BRINP3: variants seen among roughly 807,000 people sequenced by gnomAD.
The protein encoded by BRINP3 is BMP/retinoic acid-inducible neural-specific protein 3.
Under a neutral mutation model 71.0 loss-of-function variants are expected in BRINP3, and 19 were observed. The observed-to-expected ratio is 0.27, with a 90% CI of 0.19 to 0.39. The LOEUF (loss-of-function observed/expected upper bound fraction) is 0.39, where lower values mean the gene tolerates loss of function less well. Among genes scored for constraint, BRINP3 ranks in the 10% least tolerant of loss-of-function variants. The probability of loss-of-function intolerance (pLI) is 1.00; values close to 1 mark genes in which losing one functional copy is unlikely to be tolerated. For synonymous variants in BRINP3, 380 were observed against 337.7 expected (o/e 1.13, Z -1.37); for missense variants, 959 against 940.8 (o/e 1.02, Z -0.25).
At chr1:190,298,897 G>C (rs1664456409) in intron 2 of BRINP3, among the ~76,000 whole-genome samples, 1 of 152,066 alleles carries the variant, frequency 6.6e-6, no homozygotes, top group Non-Finnish European at 1.5e-5. Context: ...TGACGACAGA[G>C]GTGTTGAAAT....
At chr1:190,415,119 G>A (rs1672929847) in intron 2 of BRINP3, among the ~76,000 whole-genome samples, 1 of 152,292 alleles carries the variant, frequency 6.6e-6, no homozygotes, top group African/African-American at 2.4e-5. Context: ...GTGATAAAGA[G>A]AACCCTGCCT....
chr1:190,153,416 G>T (rs923392882), intron 7 of BRINP3, among the ~76,000 whole-genome samples: 2 of 152,070 alleles, frequency 1.3e-5, no homozygotes, highest in African/African-American at 4.8e-5. Flanking sequence ...CACCTTTCAT[G>T]CACTGGGTAC....
chr1:190,344,511 C>A (rs1430118409), intron 2 of BRINP3, among the ~76,000 whole-genome samples: 2 of 151,786 alleles, frequency 1.3e-5, no homozygotes, highest in African/African-American at 4.8e-5. Context: ...ATTTTCAGTT[C>A]ACAATTTTCT....
intron 5 of BRINP3, among the ~76,000 whole-genome samples, chr1:190,232,574 G>A (rs891126162): frequency 1.1e-4 from 17 of 151,746 alleles, no homozygotes; most frequent in Admixed American, 6.6e-5. Context: ...AAGTGAAAGA[G>A]ATGGAGGTTT....
chr1:190,386,762 A>G (rs987350127), intron 2 of BRINP3, among the ~76,000 whole-genome samples: 1 of 152,012 alleles, frequency 6.6e-6, no homozygotes, highest in African/African-American at 2.4e-5. Flanking sequence ...TGAATAATAT[A>G]TAGTTCATGG....
chr1:190,202,491 A>C (rs1408499994), intron 6 of BRINP3, among the ~76,000 whole-genome samples: 1 of 152,092 alleles, frequency 6.6e-6, no homozygotes, highest in Non-Finnish European at 1.5e-5. Context: ...GGAAGGCATG[A>C]TTGGTTTTAA....
intron 2 of BRINP3, among the ~76,000 whole-genome samples, chr1:190,453,598 T>C (rs1169357334): frequency 6.6e-6 from 1 of 152,262 alleles, no homozygotes; most frequent in East Asian, 1.9e-4. Context: ...GAATAAGGGA[T>C]TTCTTATTTT....
At chr1:190,370,481 A>T (rs564738929) in intron 2 of BRINP3, among the ~76,000 whole-genome samples, 1 of 152,292 alleles carries the variant, frequency 6.6e-6, no homozygotes, top group South Asian at 2.1e-4. Context: ...GGAGGGGAGG[A>T]ATCTATCATC....
At chr1:190,180,923 A>G (rs1471420078) in intron 6 of BRINP3, among the ~76,000 whole-genome samples, 1 of 152,056 alleles carries the variant, frequency 6.6e-6, no homozygotes, top group African/African-American at 2.4e-5. Context: ...TTACATCAGT[A>G]AAGCACAATA....
chr1:190,290,637 T>A (rs773327620), intron 2 of BRINP3, among the ~76,000 whole-genome samples: 35 of 152,112 alleles, frequency 2.3e-4, no homozygotes, highest in African/African-American at 3.1e-4. Flanking sequence ...GAAATTGAAA[T>A]GATAATTTAA....
At chr1:190,194,124 G>A (rs1015336232) in intron 6 of BRINP3, among the ~76,000 whole-genome samples, 3 of 152,016 alleles carry the variant, frequency 2.0e-5, no homozygotes, top group African/African-American at 7.2e-5. Context: ...TTCCCTGAAG[G>A]CTATGAAAAG....
intron 7 of BRINP3, among the ~76,000 whole-genome samples, chr1:190,141,158 C>T (rs1052853591): frequency 6.6e-6 from 1 of 152,052 alleles, no homozygotes; most frequent in Non-Finnish European, 1.5e-5. Context: ...TATACTCTTG[C>T]AGACTGTACC....
chr1:190,358,914 A>G (rs191584994), intron 2 of BRINP3, among the ~76,000 whole-genome samples: 534 of 152,238 alleles, frequency 3.5e-3, no homozygotes, highest in African/African-American at 0.012. Flanking sequence ...CACAGGGACA[A>G]AAAACCAAAC....
At chr1:190,318,304 G>A (rs183893412) in intron 2 of BRINP3, among the ~76,000 whole-genome samples, 282 of 152,120 alleles carry the variant, frequency 1.9e-3, no homozygotes, top group African/African-American at 6.6e-3. Flanking sequence ...TTTCAGCATT[G>A]GGGGCATGTA....
chr1:190,168,318 C>T (rs1378043791), intron 6 of BRINP3, among the ~76,000 whole-genome samples: 1 of 152,030 alleles, frequency 6.6e-6, no homozygotes, highest in Admixed American at 6.6e-5. Context: ...CTGAATCATT[C>T]CTGAATCATT....
At chr1:190,468,261 G>A (rs975456582) in intron 1 of BRINP3, among the ~76,000 whole-genome samples, 38 of 151,088 alleles carry the variant, frequency 2.5e-4, no homozygotes, top group Admixed American at 2.5e-3. Context: ...CCTTACTAAA[G>A]ATTATTAAAA....
chr1:190,189,844 T>C (rs916803639), intron 6 of BRINP3, among the ~76,000 whole-genome samples: 1 of 152,176 alleles, frequency 6.6e-6, no homozygotes, highest in Non-Finnish European at 1.5e-5. Context: ...TCAATGTTTG[T>C]GTTATTGTAA....
chr1:190,325,942 A>C (rs573296701), intron 2 of BRINP3, among the ~76,000 whole-genome samples: 6 of 152,240 alleles, frequency 3.9e-5, no homozygotes, highest in African/African-American at 1.2e-4. Context: ...AGTTCCCTGA[A>C]GGTCAAATAA....
intron 6 of BRINP3, among the ~76,000 whole-genome samples, chr1:190,190,634 G>C (rs1245250443): frequency 6.6e-6 from 1 of 151,846 alleles, no homozygotes; most frequent in Non-Finnish European, 1.5e-5. Context: ...ACTGATTCTT[G>C]CCTATCAGAA....
Sources: gnomAD v4.1 joint callset for allele counts (sites outside exome capture counted in the v4.1 genomes callset) on GRCh38, gnomAD v4.1.1 for gene constraint, MANE v1.5 for transcripts, NCBI Gene and HGNC (gene_info 2026-07-23, HGNC 2026-07-21) for gene names.